The following PCNX2 variants were observed in gnomAD, a reference collection of about 807,000 sequenced individuals.
PCNX2 encodes the protein pecanex-like protein 2.
A neutral mutation model predicts 223.8 loss-of-function variants in PCNX2; 168 were observed. That is an observed-to-expected ratio of 0.75 (90% CI 0.66 to 0.85). The LOEUF (loss-of-function observed/expected upper bound fraction) is 0.85, where lower values mean the gene tolerates loss of function less well. Ranked by LOEUF, PCNX2 falls within the 40% of genes least tolerant of loss-of-function variation. The probability of loss-of-function intolerance (pLI) is 0.00; values close to 1 mark genes in which losing one functional copy is unlikely to be tolerated. For missense variants in PCNX2, 2,507 were observed against 2,675.5 expected (o/e 0.94, Z 1.39); for synonymous variants, 1,006 against 1,052.6 (o/e 0.96, Z 0.86).
intron 1 of PCNX2, among the ~76,000 whole-genome samples, chr1:233,273,609 T>C (rs1660759254): frequency 6.6e-6 from 1 of 150,894 alleles, no homozygotes; most frequent in Non-Finnish European, 1.5e-5. Context: ...TGGTTTTCAA[T>C]AAAAGAGAAG....
In PCNX2 at chr1:233,177,883, G is replaced by T; in HGVS notation, c.3192C>A (p.Cys1064Ter). The part of the protein sequence containing the change: ...DPSVLMSFIQ[C>*]RLFPKFLHQN... ...GATGTAAAAATTTAGGAAACAGCCTGCATTGGATGAAGGACCTGAAAGTGG... is the reference window on the plus strand; with the variant it reads ...GATGTAAAAATTTAGGAAACAGCCTTCATTGGATGAAGGACCTGAAAGTGG... The change falls in exon 17 of 34, where the codon TGC (cysteine) becomes TGA (stop). Residue 1064 changes from cysteine (C) to a stop codon, truncating the protein, a stop_gained. Coordinates refer to ENST00000258229, the MANE Select transcript of PCNX2 (RefSeq NM_014801.4). LOFTEE classifies it high-confidence loss of function. 6.2e-7 allele frequency: 1 copy of T among 1,613,756 alleles called. No homozygotes were observed.
At chr1:233,102,284 T>G (rs1429158463) in intron 21 of PCNX2, among the ~76,000 whole-genome samples, 3 of 152,158 alleles carry the variant, frequency 2.0e-5, no homozygotes, top group Admixed American at 6.5e-5. Flanking sequence ...CATCTGCTGA[T>G]GGGGACTGAG....
At chr1:233,036,796 A>G (rs1163613109) in intron 25 of PCNX2, among the ~76,000 whole-genome samples, 1 of 152,202 alleles carries the variant, frequency 6.6e-6, no homozygotes, top group Non-Finnish European at 1.5e-5. Flanking sequence ...AAATACTAGA[A>G]TTTCTAAGAA....
chr1:233,074,832 C>A (rs1437628126), intron 23 of PCNX2, among the ~76,000 whole-genome samples: 1 of 151,944 alleles, frequency 6.6e-6, no homozygotes, highest in South Asian at 2.1e-4. Context: ...TAATCAAAAT[C>A]ATTTGCCATT....
chr1:233,038,640 T>G (rs1297652523), intron 25 of PCNX2, among the ~76,000 whole-genome samples: 4 of 152,194 alleles, frequency 2.6e-5, no homozygotes, highest in Non-Finnish European at 4.4e-5. Context: ...TTTGAAAGAT[T>G]ACTCAATTTG....
intron 32 of PCNX2, 121 bp downstream of exon 32, chr1:232,998,130 A>C: frequency 9.5e-7 from 1 of 1,050,012 alleles, no homozygotes; most frequent in Non-Finnish European, 1.3e-6. Context: ...AATTTCCGGC[A>C]TCTATTGTCC....
chr1:233,011,100 T>A (rs549816934), intron 28 of PCNX2, among the ~76,000 whole-genome samples: 3 of 152,322 alleles, frequency 2.0e-5, no homozygotes, highest in African/African-American at 7.2e-5. Flanking sequence ...ATAGCACATA[T>A]GCAAACACAC....
At chr1:233,165,667 C>T (rs1032563174) in intron 17 of PCNX2, among the ~76,000 whole-genome samples, 9 of 151,930 alleles carry the variant, frequency 5.9e-5, no homozygotes, top group African/African-American at 1.2e-4. Context: ...GTGTGCAAGA[C>T]GGAAACCACC....
rs1345651629 is a variant in PCNX2 at position 233,012,364 on chromosome 1, C to A, written c.4952+2301G>T. Among the ~76,000 whole-genome samples the A allele has an allele frequency of 2.0e-5, 3 of 152,220 alleles. No homozygotes were observed. The East Asian group carries it at 5.8e-4, about 29-fold the overall frequency. ...CTCCACCCCAATCCCCAGGCATATC[C>A]AACTAGGTCAGAACTTCATGACTTC... On this transcript the variant is annotated intron_variant, in intron 28 of 33. Transcript: ENST00000258229.
chr1:233,258,697 C>A lies in PCNX2; in HGVS notation c.1165G>T (p.Asp389Tyr). The A allele has an allele frequency of 6.2e-7, 1 of 1,613,984 alleles. No homozygotes were observed. The highest frequency in any genetic ancestry group is 1.6e-4 in the Middle Eastern group (1 of 6,062). Residue 389 changes from aspartate to tyrosine, a missense_variant, in exon 5 of 34, where the codon GAT becomes TAT. This residue lies in a region of PCNX2 where 1,031 missense variants were observed against 1,021.7 expected (regional missense o/e 1.01). Coordinates refer to ENST00000258229, the MANE Select transcript of PCNX2 (RefSeq NM_014801.4). ...CTCAGGTGGAGGGAGCTTTCCAAATCTGTCATGGAGTTTGGGGTACTGCTC... is the reference window on the plus strand; with the variant it reads ...CTCAGGTGGAGGGAGCTTTCCAAATATGTCATGGAGTTTGGGGTACTGCTC... ...TMSSTPNSMT[D>Y]LESSLHLRVV...
intron 15 of PCNX2, among the ~76,000 whole-genome samples, chr1:233,190,340 T>C (rs1021493925): frequency 6.6e-6 from 1 of 152,212 alleles, no homozygotes; most frequent in Admixed American, 6.5e-5. Context: ...TGAGCTTTTC[T>C]TGTTTCCTAA....
At chr1:233,279,051 C>T (rs28628299) in intron 1 of PCNX2, among the ~76,000 whole-genome samples, 6,392 of 151,984 alleles carry the variant, frequency 0.042, 459 homozygotes, top group African/African-American at 0.14. Context: ...CCGTTTTTTC[C>T]AAAGAGCTCT....
At chr1:233,208,388 T>C (rs780716726) in intron 13 of PCNX2, 130 bp downstream of exon 13, 9 of 1,021,964 alleles carry the variant, frequency 8.8e-6, no homozygotes, top group East Asian at 2.6e-5. Flanking sequence ...TCGGTAGATA[T>C]GCAAGCCAAG....
intron 33 of PCNX2, 69 bp from the exon 34 acceptor site, chr1:232,984,546 A>C: frequency 1.3e-6 from 2 of 1,521,580 alleles, no homozygotes. Context: ...AACTGGCATC[A>C]CCCCCATCCG....
chr1:233,263,173 G>T lies in PCNX2; in HGVS notation c.154-10C>A. 1 of 1,244,950 alleles carries T rather than the reference G, an allele frequency of 8.0e-7. No individual in the cohort carries two copies. Among genetic ancestry groups the T allele is most frequent in the Non-Finnish European group, 1.1e-6 (1 of 902,402 alleles). The allele number at this position is 1,244,950 out of a possible 1,614,324, so 77.1% of individuals were successfully genotyped here. ...CATTTGGAGGAAAAGCCTGAAGAAA[G>T]GAAAAGACAGAGAAAAATCATTTGC... On this transcript the variant is annotated splice_polypyrimidine_tract_variant and intron_variant, in intron 1 of 33. Coordinates refer to ENST00000258229, the MANE Select transcript of PCNX2 (RefSeq NM_014801.4).
At chr1:233,177,591 T>C (rs1398771718) in intron 17 of PCNX2, among the ~76,000 whole-genome samples, 3 of 152,194 alleles carry the variant, frequency 2.0e-5, no homozygotes, top group East Asian at 3.9e-4. Flanking sequence ...TACTTTCAAG[T>C]GATATTCTTT....
At position 232,998,376 on chromosome 1, in the gene PCNX2, C is replaced by T; in HGVS notation, c.5666G>A (p.Gly1889Glu). The change falls in exon 32 of 34, where the codon GGA becomes GAA. Residue 1889 changes from glycine to glutamate, a missense_variant. By Grantham distance (98) the Gly-to-Glu change is moderately conservative (BLOSUM62 -2). This residue lies in a region of PCNX2 where 1,372 missense variants were observed against 1,509.4 expected (regional missense o/e 0.91). Coordinates refer to ENST00000258229, the MANE Select transcript of PCNX2 (RefSeq NM_014801.4). ...GTTGCCACCTGTCGTCGGGGCCCCT[C>T]CTCCGTCCACGTCTTCAATGTTGCC... ...SGGNIEDVDG[G>E]GAPTTGGNNA... 6.2e-7 allele frequency: 1 copy of T among 1,613,296 alleles called. No homozygotes were observed. The highest frequency in any genetic ancestry group is 8.5e-7 in the Non-Finnish European group (1 of 1,179,724).
chr1:233,295,684 C>G lies in PCNX2; in HGVS notation c.-206G>C. 1 of 474,704 alleles carries G rather than the reference C, an allele frequency of 2.1e-6. No homozygotes were observed. The highest frequency in any genetic ancestry group is 3.3e-6 in the Non-Finnish European group (1 of 300,284). 29.4% of individuals were successfully genotyped at this position (474,704 alleles called of 1,614,324 possible). On this transcript the variant is annotated 5_prime_UTR_variant, in exon 1 of 34. Transcript: ENST00000258229. The surrounding 1 kb of genome is among the most constrained non-coding windows in gnomAD (Gnocchi z 4.1). ...GACCCGCGAACCGCGGCGCCGGAGC[C>G]GGCTGCTGCGGCCGGGCAGGTGAGC...
chr1:233,257,961 G>C, intron 5 of PCNX2, 67 bp downstream of exon 5: 4 of 1,518,506 alleles, frequency 2.6e-6, no homozygotes, highest in Non-Finnish European at 3.5e-6. Context: ...AATTACACAA[G>C]GCAAATGGCA....
Sources: allele counts gnomAD v4.1 joint callset (sites outside exome capture counted in the v4.1 genomes callset), GRCh38; gene constraint gnomAD v4.1.1; regional missense constraint gnomAD v4.1.1; non-coding constraint Gnocchi (gnomAD v3.1); transcripts MANE v1.5; gene names NCBI Gene and HGNC (gene_info 2026-07-23, HGNC 2026-07-21).